AGAP1: variants seen among roughly 807,000 people sequenced by gnomAD.
The protein encoded by AGAP1 is ArfGAP with GTPase domain, ankyrin repeat and PH domain 1, also known as arf-GAP with GTPase, ANK repeat and PH domain-containing protein 1.
In AGAP1, 29 loss-of-function variants were observed where a neutral mutation model predicts 105.3. The observed-to-expected ratio is 0.28, with a 90% CI of 0.21 to 0.38. The LOEUF (loss-of-function observed/expected upper bound fraction) is 0.38, where lower values mean the gene tolerates loss of function less well. Ranked by LOEUF, AGAP1 falls within the 10% of genes least tolerant of loss-of-function variation. The pLI is 1.00. For missense variants in AGAP1, 998 were observed against 1,165.1 expected, an observed-to-expected ratio of 0.86 and a Z score of 2.09; for synonymous variants, 509 against 485.9, an observed-to-expected ratio of 1.05 and a Z score of -0.63.
In AGAP1 at chr2:236,120,108, T is replaced by G. The variant is rs1171306667; in HGVS notation, c.2115-84T>G. The G allele has an allele frequency of 3.9e-6, 6 of 1,526,830 alleles. No individual in the cohort carries two copies. In the East Asian group the frequency reaches 9.1e-5, roughly 23 times the overall value. 94.6% of individuals were successfully genotyped at this position (1,526,830 alleles called of 1,614,324 possible). The stretch of plus-strand genomic sequence containing the variant: ...TCTGTTATTTCACTTCCCTCTCGGC[T>G]TCTCCCGACCACACTGGGCAGGGGC... On this transcript the variant is annotated intron_variant, in intron 16 of 17. Coordinates refer to ENST00000304032, the MANE Select transcript of AGAP1 (RefSeq NM_001037131.3). The surrounding 1 kb of genome is among the most constrained non-coding windows in gnomAD (Gnocchi z 6.0).
In AGAP1 at chr2:235,622,748, A is replaced by G. The variant is rs1034239375; in HGVS notation, c.164-86431A>G. Among the ~76,000 whole-genome samples, 1 of 151,278 alleles carries G rather than the reference A, an allele frequency of 6.6e-6. No homozygotes were observed. Among genetic ancestry groups the G allele is most frequent in the African/African-American group, 2.4e-5 (1 of 41,084 alleles). On this transcript the variant is annotated intron_variant, in intron 1 of 17. Coordinates refer to ENST00000304032, the MANE Select transcript of AGAP1 (RefSeq NM_001037131.3). This position sits in a 1 kb window ranked among gnomAD's most constrained non-coding sequence, Gnocchi z 5.0. ...TTTGTAGCGCGCTCACGTATGCCAGACTCTTCTTAGCGCTAAGCCATTTTC... is the reference window on the plus strand; with the variant it reads ...TTTGTAGCGCGCTCACGTATGCCAGGCTCTTCTTAGCGCTAAGCCATTTTC...
rs1053846045 is a variant in AGAP1, at chr2:235,660,221, C to G, written c.164-48958C>G. Reference sequence around the variant, plus strand: ...GCTAGGGGAAGAAGTGAATCACCCTCTTCTCTGTGTCTTTCCCTAACCACT... The same window carrying G: ...GCTAGGGGAAGAAGTGAATCACCCTGTTCTCTGTGTCTTTCCCTAACCACT... On this transcript the variant is annotated intron_variant, in intron 1 of 17. Coordinates refer to ENST00000304032, the MANE Select transcript of AGAP1 (RefSeq NM_001037131.3). The surrounding 1 kb of genome is among the most constrained non-coding windows in gnomAD (Gnocchi z 5.3). Among the ~76,000 whole-genome samples, 1 of 152,182 alleles carries G rather than the reference C, an allele frequency of 6.6e-6. No individual in the cohort carries two copies. Among genetic ancestry groups the G allele is most frequent in the Non-Finnish European group, 1.5e-5 (1 of 68,042 alleles).
At chr2:235,528,286 G>A (rs1239227652) in intron 1 of AGAP1, among the ~76,000 whole-genome samples, 1 of 151,720 alleles carries the variant, frequency 6.6e-6, no homozygotes, top group East Asian at 1.9e-4. Context: ...CCAGGCTGCT[G>A]GAGCGCACAA....
At chr2:235,880,481 G>T (rs1390316610) in intron 9 of AGAP1, among the ~76,000 whole-genome samples, 1 of 151,944 alleles carries the variant, frequency 6.6e-6, no homozygotes, top group African/African-American at 2.4e-5. Context: ...GCCCACTGGA[G>T]AACTTGAGTG....
At chr2:235,589,310 A>G (rs1945253290) in intron 1 of AGAP1, among the ~76,000 whole-genome samples, 1 of 135,314 alleles carries the variant, frequency 7.4e-6, no homozygotes, top group South Asian at 2.4e-4. Context: ...GGTTCAAGTG[A>G]TTCTCCTGCC....
chr2:236,120,933 T>C lies in AGAP1; in HGVS notation c.2370+486T>C, dbSNP rs1386697868. Among the ~76,000 whole-genome samples the C allele has an allele frequency of 2.6e-5, 4 of 152,242 alleles. No individual in the cohort carries two copies. The highest frequency in any genetic ancestry group is 5.9e-5 in the Non-Finnish European group (4 of 68,046). On this transcript the variant is annotated intron_variant, in intron 17 of 17. Coordinates refer to ENST00000304032, the MANE Select transcript of AGAP1 (RefSeq NM_001037131.3). This position sits in a 1 kb window ranked among gnomAD's most constrained non-coding sequence, Gnocchi z 6.0. ...TATTATTTACATTCCTATTGAAGCA[T>C]GTGTCACAATGCTTGAAGGAGTGAA...
chr2:235,537,631 CTTA>C (rs1943284299), intron 1 of AGAP1, among the ~76,000 whole-genome samples: 1 of 152,188 alleles, frequency 6.6e-6, no homozygotes, highest in Admixed American at 6.5e-5. Context: ...TTTGTTTCTT[CTTA>C]TTACTATCAA....
At chr2:235,829,154 T>C (rs892569624) in intron 9 of AGAP1, among the ~76,000 whole-genome samples, 3 of 152,268 alleles carry the variant, frequency 2.0e-5, no homozygotes, top group Non-Finnish European at 4.4e-5. Context: ...CCATGGGGCA[T>C]GAGGCAGCGC....
In AGAP1 at chr2:235,556,309, C is replaced by T. The variant is rs1943971148; in HGVS notation, c.163+61460C>T. Among the ~76,000 whole-genome samples the T allele has an allele frequency of 2.6e-5, 4 of 152,384 alleles. No individual in the cohort carries two copies. The South Asian group carries it at 8.3e-4, about 32-fold the overall frequency. Reference sequence around the variant, plus strand: ...CTGTGACCCCCTGGGTCCCCTTTGTCCTTGGCCTATACCTGCCTTCTGCAT... The same window carrying T: ...CTGTGACCCCCTGGGTCCCCTTTGTTCTTGGCCTATACCTGCCTTCTGCAT... On this transcript the variant is annotated intron_variant, in intron 1 of 17. Coordinates refer to ENST00000304032, the MANE Select transcript of AGAP1 (RefSeq NM_001037131.3). This position sits in a 1 kb window ranked among gnomAD's most constrained non-coding sequence, Gnocchi z 5.3.
At chr2:235,652,601 G>A (rs193267646) in intron 1 of AGAP1, among the ~76,000 whole-genome samples, 1 of 152,252 alleles carries the variant, frequency 6.6e-6, no homozygotes, top group East Asian at 1.9e-4. Context: ...AGAAACATAA[G>A]TGATCCTAGG....
At chr2:235,791,496 T>G (rs910685965) in intron 6 of AGAP1, among the ~76,000 whole-genome samples, 3 of 152,238 alleles carry the variant, frequency 2.0e-5, no homozygotes, top group East Asian at 3.9e-4. Context: ...CTGTCCAAAC[T>G]CCTGACGCAC....
rs1191224276 is a variant in AGAP1 at position 235,992,144 on chromosome 2, C to T, written c.1645+23521C>T. 2.0e-5 allele frequency among the ~76,000 whole-genome samples: 3 copies of T among 152,088 alleles called. No individual in the cohort carries two copies. The highest frequency in any genetic ancestry group is 6.5e-5 in the Admixed American group (1 of 15,272). On this transcript the variant is annotated intron_variant, in intron 13 of 17. Transcript: ENST00000304032. This position sits in a 1 kb window ranked among gnomAD's most constrained non-coding sequence, Gnocchi z 4.8. ...ATAACAGGAGTGGTTAGAAGCGCAG[C>T]GGAGGAGCCTGTCTTCCTGGGTCCG...
chr2:236,070,842 T>C (rs2058476921), intron 16 of AGAP1, among the ~76,000 whole-genome samples: 1 of 152,082 alleles, frequency 6.6e-6, no homozygotes, highest in Non-Finnish European at 1.5e-5. Context: ...TTTGGGGTGA[T>C]CAAAATGTCC....
intron 16 of AGAP1, among the ~76,000 whole-genome samples, chr2:236,077,527 C>T (rs558828693): frequency 1.3e-5 from 2 of 152,134 alleles, no homozygotes; most frequent in Non-Finnish European, 2.9e-5. Context: ...TCATATTGGT[C>T]AGGCTTGTCT....
intron 1 of AGAP1, chr2:235,670,588 G>A: frequency 1.8e-6 from 1 of 542,104 alleles, no homozygotes; most frequent in Non-Finnish European, 3.2e-6. Flanking sequence ...GGCCTGAGGC[G>A]CCGCAAGGCC....
chr2:236,031,821 G>T (rs1176072839), intron 13 of AGAP1, among the ~76,000 whole-genome samples: 1 of 152,084 alleles, frequency 6.6e-6, no homozygotes, highest in Non-Finnish European at 1.5e-5. Context: ...CCAGTGAGCA[G>T]TCCCTGGCAT....
chr2:235,680,560 C>T (rs1949010458), intron 1 of AGAP1, among the ~76,000 whole-genome samples: 3 of 152,006 alleles, frequency 2.0e-5, no homozygotes, highest in South Asian at 4.2e-4. Flanking sequence ...TGGGGAGGCA[C>T]CGAGAGCAGG....
rs1453518263 is a variant in AGAP1, at chr2:236,082,207, TCAATCAGTGCC to T, written c.2114+32927_2114+32937del. 6.6e-6 allele frequency among the ~76,000 whole-genome samples: 1 copy of T among 152,244 alleles called. No individual in the cohort carries two copies. The highest frequency in any genetic ancestry group is 2.4e-5 in the African/African-American group (1 of 41,470). Reference sequence around the variant, plus strand: ...TTTTCACCACGGGATATTTACAGCTTCAATCAGTGCCAAATTCAATTGGCTTCTGATCTCAT... The same window carrying T: ...TTTTCACCACGGGATATTTACAGCTTAAATTCAATTGGCTTCTGATCTCAT... On this transcript the variant is annotated intron_variant, in intron 16 of 17. Transcript: ENST00000304032. This position sits in a 1 kb window ranked among gnomAD's most constrained non-coding sequence, Gnocchi z 4.2.
At chr2:235,935,215 C>A (rs961229768) in intron 12 of AGAP1, among the ~76,000 whole-genome samples, 1 of 152,272 alleles carries the variant, frequency 6.6e-6, no homozygotes, top group East Asian at 1.9e-4. Flanking sequence ...TGCATCTGCC[C>A]TTAGAGAAAA....
Sources: allele counts gnomAD v4.1 joint callset (sites outside exome capture counted in the v4.1 genomes callset), GRCh38; gene constraint gnomAD v4.1.1; non-coding constraint Gnocchi (gnomAD v3.1); transcripts MANE v1.5; gene names NCBI Gene and HGNC (gene_info 2026-07-23, HGNC 2026-07-21).